The following AFG2A variants were observed in gnomAD, a reference collection of about 807,000 sequenced individuals.
The protein encoded by AFG2A is AAA ATPase AFG2A.
chr4:123,013,041 G>A, the AFG2A span, among the ~76,000 whole-genome samples: 142 of 152,080 alleles, frequency 9.3e-4, 1 homozygote, highest in Non-Finnish European at 1.5e-3. Flanking sequence ...GGCTGAGTCC[G>A]AAAAGAGAGT....
the AFG2A span, among the ~76,000 whole-genome samples, chr4:123,012,000 A>AG: frequency 2.3e-5 from 3 of 129,268 alleles, no homozygotes; most frequent in African/African-American, 6.0e-5. Flanking sequence ...GAAAGTGGAG[A>AG]AGGGGTGGGT....
At chr4:123,094,985 T>C in the AFG2A span, among the ~76,000 whole-genome samples, 12 of 142,290 alleles carry the variant, frequency 8.4e-5, no homozygotes, top group Admixed American at 8.9e-4. Flanking sequence ...GAATCCACCA[T>C]GCAAGGTCCC....
chr4:123,084,577 A>G, the AFG2A span, among the ~76,000 whole-genome samples: 8 of 137,738 alleles, frequency 5.8e-5, no homozygotes, highest in Non-Finnish European at 1.2e-4. Context: ...ATATATGTAA[A>G]TAGTATATAT....
At chr4:123,231,168 T>C in the AFG2A span, among the ~76,000 whole-genome samples, 233 of 152,144 alleles carry the variant, frequency 1.5e-3, no homozygotes, top group Non-Finnish European at 2.8e-3. Context: ...TCTCTAGCTA[T>C]GAAAGTCCTA....
the AFG2A span, among the ~76,000 whole-genome samples, chr4:122,964,995 G>C: frequency 1.3e-5 from 2 of 152,056 alleles, no homozygotes; most frequent in African/African-American, 4.8e-5. Context: ...ATATTTTGAG[G>C]AAAGTACATT....
chr4:123,031,238 A>G, the AFG2A span, among the ~76,000 whole-genome samples: 1 of 151,882 alleles, frequency 6.6e-6, no homozygotes, highest in East Asian at 1.9e-4. Context: ...CGCAGTTCCC[A>G]CCTCCCAGGT....
the AFG2A span, among the ~76,000 whole-genome samples, chr4:123,026,898 C>CA: frequency 6.6e-6 from 1 of 152,210 alleles, no homozygotes. Context: ...AGTTCCCAAA[C>CA]ATGTTCCCTT....
At chr4:123,224,092 G>T in the AFG2A span, among the ~76,000 whole-genome samples, 1 of 151,950 alleles carries the variant, frequency 6.6e-6, no homozygotes, top group Non-Finnish European at 1.5e-5. Flanking sequence ...GTTGATTTTT[G>T]TATATGATGT....
the AFG2A span, among the ~76,000 whole-genome samples, chr4:122,961,401 G>T: frequency 6.6e-6 from 1 of 152,196 alleles, no homozygotes; most frequent in African/African-American, 2.4e-5. Flanking sequence ...CCTTTGCTTT[G>T]CTAAAGTAGT....
At chr4:123,050,242 T>C in the AFG2A span, among the ~76,000 whole-genome samples, 1,761 of 152,292 alleles carry the variant, frequency 0.012, 14 homozygotes, top group Middle Eastern at 0.078. Flanking sequence ...TCCTGGATAA[T>C]GTGCCATGTG....
the AFG2A span, among the ~76,000 whole-genome samples, chr4:123,006,806 TATC>T: frequency 6.6e-6 from 1 of 152,280 alleles, no homozygotes; most frequent in African/African-American, 2.4e-5. Context: ...CTACTAATCC[TATC>T]ATCTGTGTAC....
At chr4:122,975,848 G>A in the AFG2A span, among the ~76,000 whole-genome samples, 21 of 152,072 alleles carry the variant, frequency 1.4e-4, no homozygotes, top group Non-Finnish European at 3.1e-4. Context: ...CAGCATTTTG[G>A]AAGGCAGATA....
At chr4:123,065,872 G>C in the AFG2A span, among the ~76,000 whole-genome samples, 4 of 152,056 alleles carry the variant, frequency 2.6e-5, no homozygotes, top group African/African-American at 4.8e-5. Context: ...ATAGGGAAAT[G>C]ATTTATTCTG....
the AFG2A span, among the ~76,000 whole-genome samples, chr4:123,086,299 AT>A: frequency 2.6e-5 from 4 of 152,152 alleles, no homozygotes; most frequent in African/African-American, 9.6e-5. Context: ...AGGATATAAA[AT>A]TATACATTGG....
the AFG2A span, among the ~76,000 whole-genome samples, chr4:123,177,817 T>C: frequency 2.0e-5 from 3 of 152,322 alleles, no homozygotes; most frequent in African/African-American, 7.2e-5. Context: ...TTCAACCACA[T>C]TGAGCCGCAT....
the AFG2A span, among the ~76,000 whole-genome samples, chr4:123,020,355 T>G: frequency 6.6e-6 from 1 of 151,886 alleles, no homozygotes; most frequent in South Asian, 2.1e-4. Flanking sequence ...TGAAAATACA[T>G]ATATGTGTAT....
the AFG2A span, among the ~76,000 whole-genome samples, chr4:123,180,645 A>T: frequency 6.6e-6 from 1 of 152,218 alleles, no homozygotes; most frequent in Non-Finnish European, 1.5e-5. Flanking sequence ...AATTCCTGAG[A>T]ATAGAGATGT....
At chr4:123,017,413 A>G in the AFG2A span, among the ~76,000 whole-genome samples, 3 of 88,050 alleles carry the variant, frequency 3.4e-5, no homozygotes, top group East Asian at 1.1e-3. Context: ...CAGCATGGGA[A>G]ATTTTTTTTT....
chr4:122,970,146 C>T, the AFG2A span, among the ~76,000 whole-genome samples: 13 of 152,200 alleles, frequency 8.5e-5, no homozygotes, highest in Admixed American at 8.5e-4. Context: ...AGAGCAACTT[C>T]CAGTCCTATA....
Sources: allele counts gnomAD v4.1 joint callset (sites outside exome capture counted in the v4.1 genomes callset), GRCh38; gene constraint gnomAD v4.1.1; transcripts MANE v1.5; gene names NCBI Gene and HGNC (gene_info 2026-07-23, HGNC 2026-07-21).